KATNIP: variants seen among roughly 807,000 people sequenced by gnomAD.
KATNIP encodes katanin-interacting protein.
In KATNIP, 126 loss-of-function variants were observed where a neutral mutation model predicts 174.0. The observed-to-expected ratio is 0.72, with a 90% CI of 0.63 to 0.84. The LOEUF (loss-of-function observed/expected upper bound fraction) is 0.84. Ranked by LOEUF, KATNIP falls within the 40% of genes least tolerant of loss-of-function variation. The pLI is 0.00. For synonymous variants in KATNIP, 810 were observed against 835.7 expected, an observed-to-expected ratio of 0.97 and a Z score of 0.53; for missense variants, 1,958 against 2,109.7, an observed-to-expected ratio of 0.93 and a Z score of 1.41.
rs531113610 is a variant in KATNIP, at chr16:27,662,398, C to T, written c.540+13663C>T. Among the ~76,000 whole-genome samples, 106 of 152,124 alleles carry T rather than the reference C, an allele frequency of 7.0e-4. 1 individual carries two copies. The highest frequency in any genetic ancestry group is 2.4e-3 in the African/African-American group (99 of 41,490). On this transcript the variant is annotated intron_variant, in intron 6 of 27. Transcript: ENST00000261588. ...CTTGACAGTGGCTCTTGACCTAGCCCGTCTGTTACCCAGAAACATCAAAGG... is the reference window on the plus strand; with the variant it reads ...CTTGACAGTGGCTCTTGACCTAGCCTGTCTGTTACCCAGAAACATCAAAGG...
chr16:27,552,686 GTTT>G (rs768836183), intron 1 of KATNIP, among the ~76,000 whole-genome samples: 2 of 94,382 alleles, frequency 2.1e-5, no homozygotes, highest in Non-Finnish European at 4.2e-5. Context: ...GCAAGTGGCA[GTTT>G]TTTTTTTTTT....
intron 13 of KATNIP, 44 bp from the exon 14 acceptor site, chr16:27,721,514 G>T (rs745911347): frequency 6.2e-7 from 1 of 1,612,766 alleles, no homozygotes; most frequent in East Asian, 2.2e-5. Flanking sequence ...TTGGGGAGAG[G>T]CAGAAATGTG....
intron 18 of KATNIP, chr16:27,757,401 G>C (rs2081776598): frequency 1.5e-6 from 1 of 655,448 alleles, no homozygotes; most frequent in Non-Finnish European, 1.9e-6. Flanking sequence ...TGGTTCTCCA[G>C]AGCGGGTCAG....
chr16:27,667,959 C>G (rs1045064849), intron 6 of KATNIP, among the ~76,000 whole-genome samples: 1 of 152,148 alleles, frequency 6.6e-6, no homozygotes. Flanking sequence ...AGAACTTAGA[C>G]CCAGCTCATT....
In KATNIP at chr16:27,592,705, C is replaced by T. The variant is rs897281683; in HGVS notation, c.63+18749C>T. ...AGCATGTTGTTCATTGTGATAGAGG[C>T]ACCATCACGCCCGGCTAATTTTGTA... is the stretch of plus-strand genomic sequence containing the variant. On this transcript the variant is annotated intron_variant, in intron 2 of 27. Transcript: ENST00000261588. Among the ~76,000 whole-genome samples, 156 of 152,164 alleles carry T rather than the reference C, an allele frequency of 1.0e-3. 2 individuals are homozygous for T. Among genetic ancestry groups the T allele is most frequent in the African/African-American group, 3.4e-3 (141 of 41,510 alleles).
chr16:27,551,553 G>C (rs1462275164), intron 1 of KATNIP, among the ~76,000 whole-genome samples: 1 of 152,046 alleles, frequency 6.6e-6, no homozygotes, highest in Non-Finnish European at 1.5e-5. Flanking sequence ...ATTTAAACTG[G>C]GAAAATCTTA....
chr16:27,640,990 T>C (rs2076776794), intron 5 of KATNIP, among the ~76,000 whole-genome samples: 1 of 152,012 alleles, frequency 6.6e-6, no homozygotes, highest in Non-Finnish European at 1.5e-5. Context: ...ACAAAAACAT[T>C]AGCCGGACAT....
intron 8 of KATNIP, among the ~76,000 whole-genome samples, chr16:27,683,286 G>A (rs1414438765): frequency 6.6e-6 from 1 of 152,214 alleles, no homozygotes; most frequent in Non-Finnish European, 1.5e-5. Flanking sequence ...ACTGGAGCCT[G>A]CATCCCAGTG....
chr16:27,775,271 C>T (rs2082456094), intron 24 of KATNIP, among the ~76,000 whole-genome samples, 187 bp downstream of exon 24: 1 of 152,174 alleles, frequency 6.6e-6, no homozygotes, highest in Admixed American at 6.5e-5. Flanking sequence ...TCCAGGCCAG[C>T]AGTTCTTTCT....
At chr16:27,666,086 G>A (rs1190556966) in intron 6 of KATNIP, among the ~76,000 whole-genome samples, 1 of 152,168 alleles carries the variant, frequency 6.6e-6, no homozygotes, top group Non-Finnish European at 1.5e-5. Flanking sequence ...GTGATGCTGA[G>A]GGGTTTGGCC....
At position 27,779,014 on chromosome 16, in the gene KATNIP, A is replaced by G; in HGVS notation, c.*385A>G. ...CCTCAGAGGGCCCAGAGAATGGCTGAGCAGGACAGTGGGAGACCAGACCCT... is the reference window on the plus strand; with the variant it reads ...CCTCAGAGGGCCCAGAGAATGGCTGGGCAGGACAGTGGGAGACCAGACCCT... On this transcript the variant is annotated 3_prime_UTR_variant, in exon 28 of 28. Transcript: ENST00000261588. 1 of 195,232 alleles carries G rather than the reference A, an allele frequency of 5.1e-6. No individual in the cohort carries two copies. The highest frequency in any genetic ancestry group is 1.0e-5 in the Non-Finnish European group (1 of 96,820). The allele number at this position is 195,232 out of a possible 1,614,324, so 12.1% of individuals were successfully genotyped here.
chr16:27,768,093 G>C (rs1290059409), intron 20 of KATNIP, among the ~76,000 whole-genome samples: 2 of 152,034 alleles, frequency 1.3e-5, no homozygotes, highest in Non-Finnish European at 2.9e-5. Flanking sequence ...AGGTGGGGGT[G>C]GGGGGGAATG....
rs528671949 is a variant in KATNIP, at chr16:27,770,177, G to A, written c.4133+159G>A. On this transcript the variant is annotated intron_variant, in intron 21 of 27. Coordinates refer to ENST00000261588, the MANE Select transcript of KATNIP (RefSeq NM_015202.5). ...TTCTAAAGCTCAGCCAAGCCTCACCGGAAGCCTGTGGAATGGACTTACCTT... is the reference window on the plus strand; with the variant it reads ...TTCTAAAGCTCAGCCAAGCCTCACCAGAAGCCTGTGGAATGGACTTACCTT... Among the ~76,000 whole-genome samples the A allele has an allele frequency of 3.3e-5, 5 of 152,338 alleles. No homozygotes were observed. The East Asian group carries it at 5.8e-4, about 18-fold the overall frequency.
At chr16:27,733,564 GACACACACACACACACACACACAC>G (rs10558929) in intron 14 of KATNIP, among the ~76,000 whole-genome samples, 8 of 143,280 alleles carry the variant, frequency 5.6e-5, no homozygotes, top group Non-Finnish European at 1.1e-4. Flanking sequence ...AAACAAGAAG[GACACACACACACACACACACACAC>G]ACACACACAC....
At position 27,677,957 on chromosome 16, in the gene KATNIP, G is replaced by C. The variant is rs1326398983; in HGVS notation, c.769G>C (p.Asp257His). Residue 257 changes from aspartate to histidine, a missense_variant, in exon 7 of 28, where the codon GAC becomes CAC. Asp to His is a moderately conservative substitution (Grantham distance 81, BLOSUM62 -1). Around this residue, in one of 3 missense-constraint regions of KATNIP, gnomAD observed 1,557 missense variants for 1,617.8 expected, o/e 0.96. Coordinates refer to ENST00000261588, the MANE Select transcript of KATNIP (RefSeq NM_015202.5). ...ETEGRSSPGP[D>H]TLVVLEFNPA... ...AGAAGGACGCTCTTCTCCAGGCCCA[G>C]ACACCCTCGTGGTGCTGGAATTTAA... The C allele has an allele frequency of 6.2e-7, 1 of 1,614,240 alleles. No individual in the cohort carries two copies. Among genetic ancestry groups the C allele is most frequent in the East Asian group, 2.2e-5 (1 of 44,888 alleles).
At chr16:27,647,747 C>T (rs893002607) in intron 5 of KATNIP, among the ~76,000 whole-genome samples, 1 of 152,080 alleles carries the variant, frequency 6.6e-6, no homozygotes, top group Admixed American at 6.6e-5. Flanking sequence ...TCAGGTGATC[C>T]GCCCACCTCG....
chr16:27,660,999 G>GT (rs2077458108), intron 6 of KATNIP, among the ~76,000 whole-genome samples: 1 of 152,166 alleles, frequency 6.6e-6, no homozygotes, highest in Non-Finnish European at 1.5e-5. Flanking sequence ...GAATCAATGA[G>GT]TGAGTGGTAT....
chr16:27,733,706 GAGCCTGGGGTTAA>G lies in KATNIP; in HGVS notation c.1744-6330_1744-6318del, dbSNP rs373292541. ...GGAAGAAGACAGAAGAAGGGAGAAA[GAGCCTGGGGTTAA>G]AGCCCTGACGACTGGAGGGGGAGGA... On this transcript the variant is annotated intron_variant, in intron 14 of 27. Transcript: ENST00000261588. 4.5e-4 allele frequency among the ~76,000 whole-genome samples: 69 copies of G among 152,280 alleles called. 1 individual carries two copies. The East Asian group carries it at 0.013, about 29-fold the overall frequency.
chr16:27,732,305 C>T (rs908107895), intron 14 of KATNIP, among the ~76,000 whole-genome samples: 4 of 152,072 alleles, frequency 2.6e-5, no homozygotes, highest in Non-Finnish European at 5.9e-5. Flanking sequence ...TCTGTCCCTT[C>T]GAGGAAATTA....
Sources: allele counts gnomAD v4.1 joint callset (sites outside exome capture counted in the v4.1 genomes callset), GRCh38; gene constraint gnomAD v4.1.1; regional missense constraint gnomAD v4.1.1; transcripts MANE v1.5; gene names NCBI Gene and HGNC (gene_info 2026-07-23, HGNC 2026-07-21).